The following SLC6A6 variants were observed in gnomAD, a reference collection of about 807,000 sequenced individuals.
The protein encoded by SLC6A6 is solute carrier family 6 member 6, also known as sodium- and chloride-dependent taurine transporter.
A neutral mutation model predicts 68.8 loss-of-function variants in SLC6A6; 16 were observed. The ratio of observed to expected loss-of-function variants is 0.23; its 90% confidence interval spans 0.16 to 0.35. The LOEUF (loss-of-function observed/expected upper bound fraction) is 0.35. SLC6A6 is among the 10% of genes least tolerant of loss of function. The pLI is 1.00. For missense variants in SLC6A6, 474 were observed against 802.8 expected (o/e 0.59, Z 4.95); for synonymous variants, 312 against 315.4 (o/e 0.99, Z 0.12).
Position 14,443,274 on chromosome 3 carries a change from G to C in SLC6A6, c.-11-350G>C, listed in dbSNP as rs1574936310. On this transcript the variant is annotated intron_variant, in intron 2 of 14. Coordinates refer to ENST00000622186, the MANE Select transcript of SLC6A6 (RefSeq NM_003043.6). The stretch of plus-strand genomic sequence containing the variant: ...GCCTAGAACTGCCTGGGTGTGTTGT[G>C]TTTTGTGAAAGACGATGCTAGGGCT... Among the ~76,000 whole-genome samples, 3 of 152,324 alleles carry C rather than the reference G, an allele frequency of 2.0e-5. No homozygotes were observed. The South Asian group carries it at 6.2e-4, about 32-fold the overall frequency.
Position 14,415,373 on chromosome 3 carries a change from G to A in SLC6A6, c.-53-1039G>A, listed in dbSNP as rs146444639. ...CCGGGACTGGCATTTACTGACACTG[G>A]CAAGTGCGCCTCTGGGTCTGGGAAG... On this transcript the variant is annotated intron_variant, in intron 1 of 14. Transcript: ENST00000622186. Among the ~76,000 whole-genome samples, 278 of 152,254 alleles carry A rather than the reference G, an allele frequency of 1.8e-3. 2 individuals are homozygous for A. In the Middle Eastern group the frequency reaches 0.044, roughly 24 times the overall value.
intron 5 of SLC6A6, chr3:14,448,076 T>C: frequency 8.4e-7 from 1 of 1,194,096 alleles, no homozygotes; most frequent in East Asian, 2.9e-5. Flanking sequence ...ATAAAAAGAA[T>C]GAATCATTAC....
intron 2 of SLC6A6, among the ~76,000 whole-genome samples, chr3:14,426,327 C>G (rs528856344): frequency 1.5e-5 from 2 of 136,616 alleles, no homozygotes; most frequent in East Asian, 1.9e-4. Context: ...TGGGGTAAGT[C>G]CCCCCCCAGC....
At chr3:14,440,778 G>C (rs1280315417) in intron 2 of SLC6A6, among the ~76,000 whole-genome samples, 3 of 152,204 alleles carry the variant, frequency 2.0e-5, no homozygotes, top group South Asian at 2.1e-4. Flanking sequence ...GCTTCTTCAG[G>C]GGCAGGGCTG....
At chr3:14,436,402 A>G (rs1699852261) in intron 2 of SLC6A6, among the ~76,000 whole-genome samples, 1 of 151,854 alleles carries the variant, frequency 6.6e-6, no homozygotes. Context: ...CAGGGTCCAA[A>G]TGTGTTGCCC....
intron 14 of SLC6A6, 26 bp from the exon 15 acceptor site, chr3:14,484,841 C>T: frequency 6.2e-7 from 1 of 1,607,920 alleles, no homozygotes; most frequent in Non-Finnish European, 8.5e-7. Context: ...GACGTTTCCC[C>T]CCTCACTCCT....
chr3:14,407,653 G>A (rs1475163454), intron 1 of SLC6A6, among the ~76,000 whole-genome samples: 12 of 151,950 alleles, frequency 7.9e-5, no homozygotes, highest in Non-Finnish European at 1.5e-4. Context: ...ACAGGCGCAC[G>A]CCACCACACC....
intron 4 of SLC6A6, among the ~76,000 whole-genome samples, chr3:14,446,639 A>G (rs886974036): frequency 2.0e-5 from 3 of 152,216 alleles, no homozygotes; most frequent in African/African-American, 4.8e-5. Context: ...GTCTGGGTTC[A>G]AGTCTCATTA....
rs147986254 is a variant in SLC6A6 at position 14,432,212 on chromosome 3, G to A, written c.-11-11412G>A. ...CTTTAGGCTTCTTACAGCTTAAAAGGAGAAGGTCAAGGAAATGGCAACCAA... is the reference window on the plus strand; with the variant it reads ...CTTTAGGCTTCTTACAGCTTAAAAGAAGAAGGTCAAGGAAATGGCAACCAA... On this transcript the variant is annotated intron_variant, in intron 2 of 14. Coordinates refer to ENST00000622186, the MANE Select transcript of SLC6A6 (RefSeq NM_003043.6). 8.4e-3 allele frequency among the ~76,000 whole-genome samples: 1,287 copies of A among 152,338 alleles called. 23 individuals are homozygous for A. Among genetic ancestry groups the A allele is most frequent in the African/African-American group, 0.029 (1,204 of 41,586 alleles).
chr3:14,473,481 G>A (rs577993487), intron 10 of SLC6A6, among the ~76,000 whole-genome samples: 5 of 152,202 alleles, frequency 3.3e-5, no homozygotes, highest in East Asian at 1.9e-4. Flanking sequence ...CCCTCCCCGC[G>A]GGCCGAAGTC....
chr3:14,451,060 A>C (rs1277603104), intron 5 of SLC6A6, among the ~76,000 whole-genome samples: 2 of 152,180 alleles, frequency 1.3e-5, no homozygotes, highest in Non-Finnish European at 1.5e-5. Flanking sequence ...ACTCTCCTGG[A>C]CACCAGCACT....
intron 2 of SLC6A6, among the ~76,000 whole-genome samples, chr3:14,425,088 A>G (rs934647351): frequency 6.6e-6 from 1 of 152,180 alleles, no homozygotes; most frequent in Non-Finnish European, 1.5e-5. Flanking sequence ...AAAGATGGCT[A>G]ATCTTTCTTG....
intron 5 of SLC6A6, among the ~76,000 whole-genome samples, chr3:14,454,027 C>T (rs1299827484): frequency 6.6e-6 from 1 of 152,240 alleles, no homozygotes; most frequent in Non-Finnish European, 1.5e-5. Flanking sequence ...TTCCCCTTTA[C>T]ACCCGTTCAC....
intron 10 of SLC6A6, among the ~76,000 whole-genome samples, chr3:14,473,749 AT>A (rs1386808735): frequency 6.6e-6 from 1 of 152,228 alleles, no homozygotes; most frequent in Non-Finnish European, 1.5e-5. Context: ...TCCATTAATC[AT>A]TCCTAGTTAA....
chr3:14,474,420 T>C (rs947503163), intron 10 of SLC6A6, among the ~76,000 whole-genome samples: 1 of 152,162 alleles, frequency 6.6e-6, no homozygotes, highest in Non-Finnish European at 1.5e-5. Context: ...CACAGTTCAG[T>C]GGCATTAGTA....
chr3:14,468,336 C>CA lies in SLC6A6; in HGVS notation c.1096+124_1096+125insA, dbSNP rs1700668790. 2.0e-5 allele frequency: 5 copies of CA among 255,948 alleles called. No individual in the cohort carries two copies. Among genetic ancestry groups the CA allele is most frequent in the African/African-American group, 1.2e-4 (2 of 17,170 alleles). The allele number at this position is 255,948 out of a possible 1,614,324, so 15.9% of individuals were successfully genotyped here. ...GGACGAGCCTGGTTTCTAAAATGGACCCCCCCCCCGCCACCAAGATATCCC... is the reference window on the plus strand; with the variant it reads ...GGACGAGCCTGGTTTCTAAAATGGACACCCCCCCCCGCCACCAAGATATCCC... On this transcript the variant is annotated intron_variant, in intron 9 of 14. Transcript: ENST00000622186. This position sits in a 1 kb window ranked among gnomAD's most constrained non-coding sequence, Gnocchi z 4.5.
chr3:14,462,659 A>G (rs979718561), intron 6 of SLC6A6, among the ~76,000 whole-genome samples: 4 of 152,110 alleles, frequency 2.6e-5, no homozygotes, highest in Non-Finnish European at 5.9e-5. Context: ...TGATTGCGCC[A>G]TTGCACTCTA....
At chr3:14,458,171 C>A in intron 6 of SLC6A6, 89 bp downstream of exon 6, 1 of 1,226,728 alleles carries the variant, frequency 8.2e-7, no homozygotes, top group Non-Finnish European at 1.2e-6. Flanking sequence ...ATTAGCCACG[C>A]CCCAAGAGGG....
intron 1 of SLC6A6, among the ~76,000 whole-genome samples, chr3:14,415,803 TCTCGCCC>T (rs765020934): frequency 1.4e-4 from 22 of 152,138 alleles, no homozygotes; most frequent in Non-Finnish European, 2.9e-4. Flanking sequence ...GCACAGTGAT[TCTCGCCC>T]CTGAACTGGT....
Sources: allele counts gnomAD v4.1 joint callset (sites outside exome capture counted in the v4.1 genomes callset), GRCh38; gene constraint gnomAD v4.1.1; non-coding constraint Gnocchi (gnomAD v3.1); transcripts MANE v1.5; gene names NCBI Gene and HGNC (gene_info 2026-07-23, HGNC 2026-07-21).